Variants in SDHC observed in about 807,000 individuals in gnomAD.
The protein encoded by SDHC is succinate dehydrogenase complex subunit C, also known as succinate dehydrogenase cytochrome b560 subunit, mitochondrial.
SDHC carries 11 observed loss-of-function variants against 22.6 expected under a neutral mutation model. The observed-to-expected ratio is 0.49, with a 90% CI of 0.31 to 0.81. SDHC has a LOEUF of 0.81. Among genes scored for constraint, SDHC ranks in the 30% least tolerant of loss-of-function variants. The probability of loss-of-function intolerance (pLI) is 0.05; values close to 1 mark genes in which losing one functional copy is unlikely to be tolerated. For missense variants in SDHC, 160 were observed against 212.0 expected, an observed-to-expected ratio of 0.75 and a Z score of 1.52; for synonymous variants, 80 against 77.8, an observed-to-expected ratio of 1.03 and a Z score of -0.15.
chr1:161,333,822 T>C (rs1175760310), intron 3 of SDHC, among the ~76,000 whole-genome samples: 2 of 152,202 alleles, frequency 1.3e-5, no homozygotes, highest in South Asian at 2.1e-4. Flanking sequence ...ACAACATCCA[T>C]ATTTCTACTA....
intron 4 of SDHC, among the ~76,000 whole-genome samples, chr1:161,342,819 C>T (rs564666630): frequency 6.6e-6 from 1 of 152,254 alleles, no homozygotes; most frequent in African/African-American, 2.4e-5. Context: ...TAACCTCATC[C>T]TAGGGAATAA....
chr1:161,352,820 C>A (rs756528052), intron 4 of SDHC, among the ~76,000 whole-genome samples: 3 of 151,754 alleles, frequency 2.0e-5, no homozygotes, highest in Non-Finnish European at 4.4e-5. Context: ...ACTAAAAATA[C>A]AAAAAAATTA....
Position 161,362,596 on chromosome 1 carries a change from T to C in SDHC, c.*163T>C, listed in dbSNP as rs1672569563. On this transcript the variant is annotated 3_prime_UTR_variant, in exon 6 of 6. Transcript: ENST00000367975. The stretch of plus-strand genomic sequence containing the variant: ...CAGTAGAGTACCTGGTAGACCATAA[T>C]AGTGGAAAAGGGTCTAGTTTTCCCC... 8 of 1,608,704 alleles carry C rather than the reference T, an allele frequency of 5.0e-6. No individual in the cohort carries two copies. The highest frequency in any genetic ancestry group is 2.2e-5 in the East Asian group (1 of 44,872).
At chr1:161,345,032 A>T (rs537343492) in intron 4 of SDHC, among the ~76,000 whole-genome samples, 82 of 152,320 alleles carry the variant, frequency 5.4e-4, no homozygotes, top group African/African-American at 1.9e-3. Context: ...TCCCTTCCTT[A>T]GACTCTCCTA....
chr1:161,339,211 C>A (rs2102331592), intron 3 of SDHC, among the ~76,000 whole-genome samples: 2 of 152,172 alleles, frequency 1.3e-5, no homozygotes, highest in South Asian at 4.2e-4. Flanking sequence ...GTCTCTGTCT[C>A]TCTCTCCCCA....
At chr1:161,353,198 G>A (rs1672151968) in intron 4 of SDHC, among the ~76,000 whole-genome samples, 1 of 152,086 alleles carries the variant, frequency 6.6e-6, no homozygotes, top group Non-Finnish European at 1.5e-5. Flanking sequence ...TTTGAGAGTA[G>A]GTGGTGTTAT....
At chr1:161,320,828 A>ATTTTTTT (rs71270444) in intron 1 of SDHC, among the ~76,000 whole-genome samples, 21,351 of 126,660 alleles carry the variant, frequency 0.17, 2,249 homozygotes, top group African/African-American at 0.23. Flanking sequence ...TTCAGTCTTG[A>ATTTTTTT]TTTTTTTTTT....
At chr1:161,321,252 G>T (rs1670826014) in intron 1 of SDHC, among the ~76,000 whole-genome samples, 1 of 152,086 alleles carries the variant, frequency 6.6e-6, no homozygotes, top group Non-Finnish European at 1.5e-5. Context: ...CATTTAGAAG[G>T]GGCAACAATA....
rs202153153 is a variant in SDHC, at chr1:161,336,453, CA to C, written c.180-4128del. The stretch of plus-strand genomic sequence containing the variant: ...CTGGCAACAGAGCAAGGCTCCGTTT[CA>C]AAAAAAAAAAAAGTTTTGGGGAAGA... On this transcript the variant is annotated intron_variant, in intron 3 of 5. Transcript: ENST00000367975. 1.7e-3 allele frequency among the ~76,000 whole-genome samples: 211 copies of C among 126,856 alleles called. 1 individual carries two copies. The highest frequency in any genetic ancestry group is 8.3e-3 in the Middle Eastern group (2 of 240). The allele number at this position is 126,856 out of a possible 152,430, so 83.2% of individuals were successfully genotyped here.
intron 3 of SDHC, among the ~76,000 whole-genome samples, chr1:161,332,622 TTTTC>T (rs1160949719): frequency 6.6e-6 from 1 of 150,748 alleles, no homozygotes; most frequent in Non-Finnish European, 1.5e-5. Flanking sequence ...TTTTAGAATA[TTTTC>T]TTTTTCTTTC....
At chr1:161,341,175 CT>C (rs946677279) in intron 4 of SDHC, among the ~76,000 whole-genome samples, 2 of 152,264 alleles carry the variant, frequency 1.3e-5, no homozygotes, top group African/African-American at 4.8e-5. Context: ...AAACCATTCC[CT>C]AGCACTTCCT....
Position 161,314,434 on chromosome 1 carries a change from A to AGT in SDHC, c.20+11_20+12dup, listed in dbSNP as rs35215598. The AGT allele has an allele frequency of 0.082, 132,628 of 1,613,892 alleles. 7,980 individuals are homozygous for AGT. Among genetic ancestry groups the AGT allele is most frequent in the East Asian group, 0.25 (11,389 of 44,842 alleles). ...GCTGCGCTGTTGCTGAGGTGACTTC[A>AGT]GTGGGACTGGGAGTTGGTGCCTGCG... On this transcript the variant is annotated intron_variant, in intron 1 of 5. Transcript: ENST00000367975.
chr1:161,315,489 A>G (rs931654142), intron 1 of SDHC, among the ~76,000 whole-genome samples: 53 of 152,256 alleles, frequency 3.5e-4, no homozygotes, highest in African/African-American at 1.2e-3. Flanking sequence ...TCTTTATTCC[A>G]GATGGTTTGA....
At chr1:161,328,581 C>A in intron 3 of SDHC, 84 bp downstream of exon 3, 1 of 987,656 alleles carries the variant, frequency 1.0e-6, no homozygotes, top group Non-Finnish European at 1.6e-6. Flanking sequence ...TTGATACTTC[C>A]CTCACTTTTA....
At chr1:161,321,148 A>G (rs567479059) in intron 1 of SDHC, among the ~76,000 whole-genome samples, 33 of 152,224 alleles carry the variant, frequency 2.2e-4, no homozygotes, top group Admixed American at 1.9e-3. Context: ...TTACTTCCCA[A>G]TGTTATTTTT....
At chr1:161,322,860 C>T (rs1251367966) in intron 1 of SDHC, among the ~76,000 whole-genome samples, 3 of 152,152 alleles carry the variant, frequency 2.0e-5, no homozygotes, top group African/African-American at 7.2e-5. Flanking sequence ...CTGCACCTGG[C>T]CTGACCTTTT....
At chr1:161,316,612 C>T (rs1378007292) in intron 1 of SDHC, among the ~76,000 whole-genome samples, 1 of 152,174 alleles carries the variant, frequency 6.6e-6, no homozygotes, top group African/African-American at 2.4e-5. Flanking sequence ...ATAGTCCACA[C>T]TAGGATTCAA....
chr1:161,357,843 A>G (rs1212718429), intron 5 of SDHC, among the ~76,000 whole-genome samples: 1 of 152,166 alleles, frequency 6.6e-6, no homozygotes, highest in African/African-American at 2.4e-5. Context: ...CTAGATAACC[A>G]TTGTTGCTGC....
At position 161,362,233 on chromosome 1, in the gene SDHC, A is replaced by C. The variant is rs572561588; in HGVS notation, c.406-96A>C. 700 of 1,395,478 alleles carry C rather than the reference A, an allele frequency of 5.0e-4. 1 individual carries two copies. Among genetic ancestry groups the C allele is most frequent in the Middle Eastern group, 2.2e-3 (9 of 4,126 alleles). 86.4% of individuals were successfully genotyped at this position (1,395,478 alleles called of 1,614,324 possible). On this transcript the variant is annotated intron_variant, in intron 5 of 5. Transcript: ENST00000367975. Reference sequence around the variant, plus strand: ...TTCTCTAGAATCATGCTGAGAGGAGATATCTATTCCTTTAGGTAGAATTAC... The same window carrying C: ...TTCTCTAGAATCATGCTGAGAGGAGCTATCTATTCCTTTAGGTAGAATTAC...
Sources: gnomAD v4.1 joint callset for allele counts (sites outside exome capture counted in the v4.1 genomes callset) on GRCh38, gnomAD v4.1.1 for gene constraint, MANE v1.5 for transcripts, NCBI Gene and HGNC (gene_info 2026-07-23, HGNC 2026-07-21) for gene names.